The following SLC4A5 variants were observed in gnomAD, a reference collection of about 807,000 sequenced individuals.
SLC4A5 encodes electrogenic sodium bicarbonate cotransporter 4.
SLC4A5 carries 96 observed loss-of-function variants against 120.4 expected under a neutral mutation model. That is an observed-to-expected ratio of 0.80 (90% CI 0.68 to 0.94). The LOEUF is 0.94. Ranked by LOEUF, SLC4A5 falls within the 40% of genes least tolerant of loss-of-function variation. The pLI is 0.00. For synonymous variants in SLC4A5, 550 were observed against 571.1 expected (o/e 0.96, Z 0.53); for missense variants, 1,259 against 1,459.5 (o/e 0.86, Z 2.24).
chr2:74,261,191 C>G (rs1290127331), intron 11 of SLC4A5, among the ~76,000 whole-genome samples: 3 of 152,228 alleles, frequency 2.0e-5, no homozygotes, highest in Non-Finnish European at 4.4e-5. Flanking sequence ...CCTCTTGTCC[C>G]AGTGGTTCCC....
chr2:74,236,277 A>C (rs1038704104), intron 21 of SLC4A5, among the ~76,000 whole-genome samples: 1 of 152,154 alleles, frequency 6.6e-6, no homozygotes, highest in Non-Finnish European at 1.5e-5. Flanking sequence ...CTTTACTTAC[A>C]CTGTGCCTCC....
chr2:74,286,255 G>T (rs1671979080), intron 7 of SLC4A5, among the ~76,000 whole-genome samples: 1 of 152,136 alleles, frequency 6.6e-6, no homozygotes, highest in African/African-American at 2.4e-5. Context: ...ACCCGAGGGG[G>T]TTCTTCTTCC....
intron 27 of SLC4A5, 22 bp downstream of exon 27, chr2:74,226,935 G>A: frequency 6.2e-7 from 1 of 1,606,840 alleles, no homozygotes; most frequent in Non-Finnish European, 8.5e-7. Flanking sequence ...AGGCAGGAGG[G>A]GGAAGCCCGT....
rs1671037100 is a variant in SLC4A5, at chr2:74,258,481, C to T, written c.867+1107G>A. ...TTTACTAGGTAATGCTTTCTTATCA[C>T]AGTTGCACTGTCTGTATGCATGAGT... On this transcript the variant is annotated intron_variant, in intron 12 of 30. Coordinates refer to ENST00000394019, the Ensembl canonical transcript of SLC4A5. Among the ~76,000 whole-genome samples the T allele has an allele frequency of 2.0e-5, 3 of 152,364 alleles. No homozygotes were observed. In the South Asian group the frequency reaches 6.2e-4, roughly 32 times the overall value.
exon 22 of SLC4A5, chr2:74,235,116 C>T (rs1292394711): frequency 6.2e-7 from 1 of 1,613,962 alleles, no homozygotes; most frequent in Non-Finnish European, 8.5e-7. Context: ...TGACACTGGG[C>T]ACATGCAGCT....
intron 7 of SLC4A5, among the ~76,000 whole-genome samples, chr2:74,287,075 G>A (rs529020913): frequency 6.6e-6 from 1 of 152,146 alleles, no homozygotes; most frequent in African/African-American, 2.4e-5. Flanking sequence ...CTGCCCCGAC[G>A]CAATCTCTCG....
intron 20 of SLC4A5, 102 bp from the exon 21 acceptor site, chr2:74,239,637 C>T (rs1471462466): frequency 2.7e-6 from 3 of 1,116,528 alleles, no homozygotes; most frequent in South Asian, 2.7e-5. Context: ...CCTTCCCACC[C>T]TCTGAGGGAC....
At chr2:74,248,255 C>T (rs1670680683) in intron 18 of SLC4A5, 98 bp downstream of exon 18, 2 of 1,490,496 alleles carry the variant, frequency 1.3e-6, no homozygotes, top group African/African-American at 1.4e-5. Context: ...GGCACCACCG[C>T]ACCACCACCT....
chr2:74,297,789 T>C (rs1009742219), intron 7 of SLC4A5, among the ~76,000 whole-genome samples: 6 of 152,142 alleles, frequency 3.9e-5, no homozygotes, highest in Admixed American at 3.3e-4. Context: ...AAATTATTAA[T>C]ATATTCACAT....
chr2:74,227,877 C>T (rs767548959), exon 26 of SLC4A5: 1 of 1,605,504 alleles, frequency 6.2e-7, no homozygotes, highest in African/African-American at 1.3e-5. Context: ...CAGGGGGATA[C>T]ACTAAAATGA....
intron 21 of SLC4A5, among the ~76,000 whole-genome samples, chr2:74,235,500 T>C (rs1221471247): frequency 6.6e-6 from 1 of 152,164 alleles, no homozygotes; most frequent in Non-Finnish European, 1.5e-5. Context: ...TGGCATATGG[T>C]GGTCAATGTG....
At chr2:74,338,035 G>GGTAA (rs1673537605) in intron 3 of SLC4A5, among the ~76,000 whole-genome samples, 2 of 152,184 alleles carry the variant, frequency 1.3e-5, no homozygotes, top group African/African-American at 4.8e-5. Flanking sequence ...GGGAAAGGAA[G>GGTAA]GTAAGGTAAA....
chr2:74,276,238 T>C (rs1162552584), intron 8 of SLC4A5, among the ~76,000 whole-genome samples: 1 of 152,114 alleles, frequency 6.6e-6, no homozygotes, highest in Non-Finnish European at 1.5e-5. Flanking sequence ...GCCTAAAATA[T>C]TTTCTGTCTG....
intron 10 of SLC4A5, 29 bp downstream of exon 10, chr2:74,264,118 C>A: frequency 1.2e-6 from 2 of 1,606,292 alleles, no homozygotes; most frequent in Non-Finnish European, 1.7e-6. Context: ...CTGCATGTCC[C>A]ATGCCTACCA....
chr2:74,327,091 T>C (rs1020380981), intron 5 of SLC4A5, among the ~76,000 whole-genome samples: 1 of 152,168 alleles, frequency 6.6e-6, no homozygotes, highest in Non-Finnish European at 1.5e-5. Flanking sequence ...CACTAGACAC[T>C]GGGAACAGAA....
intron 14 of SLC4A5, among the ~76,000 whole-genome samples, chr2:74,253,377 T>G (rs942474168): frequency 6.6e-6 from 1 of 152,204 alleles, no homozygotes; most frequent in Non-Finnish European, 1.5e-5. Flanking sequence ...TTGTAGGACT[T>G]CGGTTAAGTT....
rs949863173 is a variant in SLC4A5 at position 74,241,896 on chromosome 2, T to C, written c.2118+98A>G. 6.4e-6 allele frequency: 7 copies of C among 1,094,078 alleles called. No homozygotes were observed. In the African/African-American group the frequency reaches 1.1e-4, roughly 17 times the overall value. The allele number at this position is 1,094,078 out of a possible 1,614,324, so 67.8% of individuals were successfully genotyped here. On this transcript the variant is annotated intron_variant, in intron 20 of 30. Transcript: ENST00000394019. ...TGCAGCTGGAGTTGACCTCTGCAAG[T>C]CTGGGAGGCCATAAGTTGGTCTCAT...
At chr2:74,316,488 T>C (rs1315489236) in intron 5 of SLC4A5, among the ~76,000 whole-genome samples, 1 of 152,154 alleles carries the variant, frequency 6.6e-6, no homozygotes, top group Admixed American at 6.5e-5. Context: ...CCTGGTTATA[T>C]CATCTCCCTT....
At chr2:74,279,925 T>C (rs957804594) in intron 8 of SLC4A5, among the ~76,000 whole-genome samples, 1 of 152,148 alleles carries the variant, frequency 6.6e-6, no homozygotes, top group Admixed American at 6.5e-5. Flanking sequence ...TCTCTATCCC[T>C]ACTGCCAGCA....
Sources: gnomAD v4.1 joint callset for allele counts (sites outside exome capture counted in the v4.1 genomes callset) on GRCh38, gnomAD v4.1.1 for gene constraint, MANE v1.5 for transcripts, NCBI Gene and HGNC (gene_info 2026-07-23, HGNC 2026-07-21) for gene names.